The following LMF1 variants were observed in gnomAD, a reference collection of about 807,000 sequenced individuals.
LMF1 encodes the protein lipase maturation factor 1.
In LMF1, 68 loss-of-function variants were observed where a neutral mutation model predicts 60.6. The observed-to-expected ratio is 1.12, with a 90% CI of 0.92 to 1.37. The LOEUF (loss-of-function observed/expected upper bound fraction) is 1.37, where lower values mean the gene tolerates loss of function less well. LMF1 is among the 40% of genes most tolerant of loss of function. The pLI is 0.00. For synonymous variants in LMF1, 418 were observed against 324.7 expected, an observed-to-expected ratio of 1.29 and a Z score of -3.09; for missense variants, 948 against 767.2, an observed-to-expected ratio of 1.24 and a Z score of -2.78.
intron 1 of LMF1, chr16:980,618 G>A (rs1262822044): frequency 6.6e-6 from 1 of 152,190 alleles, no homozygotes; most frequent in Non-Finnish European, 1.5e-5. Context: ...ACCCGGAATG[G>A]CGCAGCCCCT....
At chr16:885,041 T>A (rs1214902318) in intron 5 of LMF1, 2 of 152,264 alleles carry the variant, frequency 1.3e-5, no homozygotes, top group African/African-American at 4.8e-5. Flanking sequence ...GAAATGTCTC[T>A]GAAAGATAAC....
chr16:913,954 C>T (rs912026943), intron 3 of LMF1, among the ~76,000 whole-genome samples: 5 of 152,244 alleles, frequency 3.3e-5, no homozygotes, highest in Non-Finnish European at 7.3e-5. Flanking sequence ...ATGAAATACT[C>T]GGAAGAGAAA....
chr16:918,024 C>T (rs577521124), intron 3 of LMF1, among the ~76,000 whole-genome samples: 88 of 152,328 alleles, frequency 5.8e-4, no homozygotes, highest in Non-Finnish European at 8.8e-4. Flanking sequence ...GACATGGCGT[C>T]GGGACGTGGC....
chr16:964,259 G>A (rs1052936439), intron 1 of LMF1: 2 of 228,538 alleles, frequency 8.8e-6, no homozygotes, highest in Non-Finnish European at 9.3e-6. Flanking sequence ...TTGCACCACT[G>A]CACTGCAGCC....
intron 3 of LMF1, chr16:933,938 G>C: frequency 7.2e-7 from 1 of 1,385,794 alleles, no homozygotes; most frequent in Non-Finnish European, 9.5e-7. Flanking sequence ...GTCCACGGGG[G>C]ATGGGCCTGT....
At chr16:927,994 A>G (rs2071659542) in intron 3 of LMF1, among the ~76,000 whole-genome samples, 1 of 152,194 alleles carries the variant, frequency 6.6e-6, no homozygotes, top group Non-Finnish European at 1.5e-5. Context: ...GCACAGCAGC[A>G]AAACCCAGGA....
chr16:951,819 C>G (rs1429887823), intron 2 of LMF1, among the ~76,000 whole-genome samples: 1 of 152,228 alleles, frequency 6.6e-6, no homozygotes, highest in African/African-American at 2.4e-5. Context: ...GGAGAAAAAG[C>G]CACTTCACCG....
intron 10 of LMF1, among the ~76,000 whole-genome samples, chr16:866,636 A>G (rs892322411): frequency 6.6e-6 from 1 of 151,970 alleles, no homozygotes; most frequent in Admixed American, 6.6e-5. Flanking sequence ...CGTTTGGAGG[A>G]GAGTCCAGGC....
At chr16:967,701 C>T (rs915450143) in intron 1 of LMF1, among the ~76,000 whole-genome samples, 4 of 152,240 alleles carry the variant, frequency 2.6e-5, no homozygotes, top group African/African-American at 4.8e-5. Context: ...GGAGCCGTCA[C>T]GGCCCGAGAA....
At chr16:855,493 T>TG (rs2069160536) in intron 10 of LMF1, 1 of 357,362 alleles carries the variant, frequency 2.8e-6, no homozygotes. Context: ...CATTTTCTCC[T>TG]GGGGGTGGGA....
At chr16:973,001 T>A (rs1301868034), upstream of LMF1, among the ~76,000 whole-genome samples, 1 of 152,172 alleles carries the variant, frequency 6.6e-6, no homozygotes, top group Non-Finnish European at 1.5e-5. Context: ...GCAGCTCTGG[T>A]CGTGCCCATT....
At chr16:857,471 G>T (rs1236169052) in intron 10 of LMF1, among the ~76,000 whole-genome samples, 1 of 124,864 alleles carries the variant, frequency 8.0e-6, no homozygotes, top group Non-Finnish European at 1.7e-5. Flanking sequence ...CTCGGGACGG[G>T]TGTGAGTGGT....
At position 868,776 on chromosome 16, in the gene LMF1, CG is replaced by C. The variant is rs746232858; in HGVS notation, c.1529+167del. Among the ~76,000 whole-genome samples, 8,229 of 49,678 alleles carry C rather than the reference CG, an allele frequency of 0.17. 234 individuals carry two copies. The highest frequency in any genetic ancestry group is 0.24 in the African/African-American group (5,121 of 20,936). 32.6% of individuals were successfully genotyped at this position (49,678 alleles called of 152,430 possible). On this transcript the variant is annotated intron_variant, in intron 10 of 10. Coordinates refer to ENST00000262301, the MANE Select transcript of LMF1 (RefSeq NM_022773.4). ...CCTTGATGCCAAGGCTGATGTGGGG[CG>C]GGGGGGGGGGGCCCTTTTTGCTCCC... is the stretch of plus-strand genomic sequence containing the variant.
chr16:913,828 A>AAG (rs35318333), intron 3 of LMF1, among the ~76,000 whole-genome samples: 47,713 of 152,142 alleles, frequency 0.31, 9,455 homozygotes, highest in African/African-American at 0.54. Context: ...GGGCACACAG[A>AAG]AGAGAGGCTT....
At chr16:898,792 C>T (rs1238931976) in intron 4 of LMF1, among the ~76,000 whole-genome samples, 1 of 152,250 alleles carries the variant, frequency 6.6e-6, no homozygotes, top group Non-Finnish European at 1.5e-5. Context: ...ATGTAAATTC[C>T]TCTTGCTGTG....
chr16:876,925 A>C (rs1220793480), intron 6 of LMF1, among the ~76,000 whole-genome samples: 1 of 152,258 alleles, frequency 6.6e-6, no homozygotes, highest in Non-Finnish European at 1.5e-5. Flanking sequence ...AAGATGTGGA[A>C]ATACGTCCAA....
At chr16:931,681 A>C in intron 3 of LMF1, 1 of 1,287,212 alleles carries the variant, frequency 7.8e-7, no homozygotes, top group South Asian at 1.2e-5. Context: ...AGATCAGGGA[A>C]GGGAAGACAG....
At chr16:964,053 G>A (rs1432715314) in intron 1 of LMF1, 1 of 456,064 alleles carries the variant, frequency 2.2e-6, no homozygotes, top group Non-Finnish European at 4.4e-6. Flanking sequence ...TGACCTGGGA[G>A]CTGCAACGAG....
At chr16:949,305 A>C (rs2072364233) in intron 2 of LMF1, among the ~76,000 whole-genome samples, 1 of 134,558 alleles carries the variant, frequency 7.4e-6, no homozygotes, top group South Asian at 2.6e-4. Flanking sequence ...ACAGAGTCAG[A>C]GACAACGACA....
Sources: gnomAD v4.1 joint callset for allele counts (sites outside exome capture counted in the v4.1 genomes callset) on GRCh38, gnomAD v4.1.1 for gene constraint, MANE v1.5 for transcripts, NCBI Gene and HGNC (gene_info 2026-07-23, HGNC 2026-07-21) for gene names.